Variants in OR51B5 observed in about 807,000 individuals in gnomAD.
OR51B5 encodes the protein olfactory receptor family 51 subfamily B member 5.
For missense variants in OR51B5, 456 were observed against 374.6 expected (o/e 1.22, Z -1.79); for synonymous variants, 186 against 144.8 (o/e 1.28, Z -2.04).
chr11:5,370,509 TCTCA>T (rs1006464440), intron 1 of OR51B5, among the ~76,000 whole-genome samples: 74 of 152,306 alleles, frequency 4.9e-4, no homozygotes, highest in African/African-American at 1.7e-3. Context: ...CTATTCTTTA[TCTCA>T]CTCTCTTTCT....
rs186457005 is a variant in OR51B5 at position 5,492,096 on chromosome 11, C to G, written n.84+13473G>C. Among the ~76,000 whole-genome samples, 10 of 152,232 alleles carry G rather than the reference C, an allele frequency of 6.6e-5. No homozygotes were observed. In the East Asian group the frequency reaches 1.4e-3, roughly 21 times the overall value. ...GTTTCAATTTGTGCTGAGGGAGACTCTCTTAATTCAATTTTAAGTAATTCA... is the reference window on the plus strand; with the variant it reads ...GTTTCAATTTGTGCTGAGGGAGACTGTCTTAATTCAATTTTAAGTAATTCA... On this transcript the variant is annotated intron_variant and non_coding_transcript_variant, in intron 1 of 4. Transcript: ENST00000415970.
intron 1 of OR51B5, chr11:5,391,063 C>T (rs1849787436): frequency 6.6e-6 from 1 of 152,230 alleles, no homozygotes; most frequent in Non-Finnish European, 1.5e-5. Context: ...AAGCTACAGT[C>T]AGTATTTACT....
chr11:5,489,727 G>C, intron 1 of OR51B5: 1 of 1,070,890 alleles, frequency 9.3e-7, no homozygotes. Context: ...ACATTTACAT[G>C]GACACACAGT....
chr11:5,454,554 GCA>G, intron 1 of OR51B5: 1 of 730,982 alleles, frequency 1.4e-6, no homozygotes, highest in Non-Finnish European at 2.2e-6. Flanking sequence ...AGATGGTGAT[GCA>G]AAACTTATAA....
chr11:5,475,023 T>C (rs980549101), intron 1 of OR51B5, among the ~76,000 whole-genome samples: 8 of 152,164 alleles, frequency 5.3e-5, no homozygotes, highest in African/African-American at 1.9e-4. Flanking sequence ...GGTGTTTGAC[T>C]TATGAACTCT....
At chr11:5,407,360 C>T (rs1246095958) in intron 1 of OR51B5, among the ~76,000 whole-genome samples, 1 of 152,184 alleles carries the variant, frequency 6.6e-6, no homozygotes, top group East Asian at 1.9e-4. Context: ...GTATCATCCC[C>T]TCTTCCTGAG....
At chr11:5,380,319 T>A (rs2133717371) in intron 1 of OR51B5, among the ~76,000 whole-genome samples, 1 of 152,242 alleles carries the variant, frequency 6.6e-6, no homozygotes, top group Non-Finnish European at 1.5e-5. Flanking sequence ...AATTGCAACA[T>A]GAAAATTTCT....
chr11:5,398,976 A>G (rs1164361087), intron 1 of OR51B5, among the ~76,000 whole-genome samples: 1 of 152,196 alleles, frequency 6.6e-6, no homozygotes, highest in Non-Finnish European at 1.5e-5. Context: ...AGCAGCATTC[A>G]GGACTCCCAA....
intron 1 of OR51B5, among the ~76,000 whole-genome samples, chr11:5,421,431 T>C (rs1850335479): frequency 1.3e-5 from 2 of 152,258 alleles, no homozygotes; most frequent in African/African-American, 2.4e-5. Flanking sequence ...TAAGAATTAA[T>C]ACGAGTTATC....
At chr11:5,455,522 G>A (rs1264914514) in intron 1 of OR51B5, 2 of 140,592 alleles carry the variant, frequency 1.4e-5, no homozygotes, top group African/African-American at 2.6e-5. Flanking sequence ...AGATCTACTT[G>A]TAGATCAAAA....
intron 1 of OR51B5, chr11:5,469,409 C>T (rs769749655): frequency 1.3e-5 from 2 of 152,226 alleles, no homozygotes; most frequent in Non-Finnish European, 2.9e-5. Context: ...GATGTTAGTC[C>T]CAAAGCCCCC....
At chr11:5,428,223 G>A (rs1850478612) in intron 1 of OR51B5, among the ~76,000 whole-genome samples, 1 of 151,994 alleles carries the variant, frequency 6.6e-6, no homozygotes, top group African/African-American at 2.4e-5. Flanking sequence ...GGCGTACCTT[G>A]GAGATAATAT....
intron 1 of OR51B5, among the ~76,000 whole-genome samples, chr11:5,353,938 G>T (rs1469818843): frequency 7.4e-6 from 1 of 136,012 alleles, no homozygotes; most frequent in African/African-American, 2.7e-5. Flanking sequence ...TAGACCAAAA[G>T]ATTTTGTTTG....
At chr11:5,439,489 A>C (rs1850642614) in intron 1 of OR51B5, among the ~76,000 whole-genome samples, 1 of 152,204 alleles carries the variant, frequency 6.6e-6, no homozygotes, top group South Asian at 2.1e-4. Flanking sequence ...CCGTTTGTCT[A>C]AACAGTTATC....
At chr11:5,366,802 A>G (rs1007369211) in intron 1 of OR51B5, among the ~76,000 whole-genome samples, 1 of 152,296 alleles carries the variant, frequency 6.6e-6, no homozygotes, top group East Asian at 1.9e-4. Flanking sequence ...ATTTGGGAAA[A>G]TAAGTTTGTA....
chr11:5,399,983 C>A (rs1010776310), intron 1 of OR51B5, among the ~76,000 whole-genome samples: 2 of 152,080 alleles, frequency 1.3e-5, no homozygotes, highest in African/African-American at 4.8e-5. Context: ...CTGCTCAATC[C>A]AGAGGCAGAT....
upstream of OR51B5, among the ~76,000 whole-genome samples, chr11:5,347,165 C>A (rs1849005801): frequency 6.6e-6 from 1 of 152,162 alleles, no homozygotes; most frequent in East Asian, 1.9e-4. Flanking sequence ...ATAGCCCCAG[C>A]AGACTCTGGT....
intron 1 of OR51B5, among the ~76,000 whole-genome samples, chr11:5,438,481 T>C (rs1028643902): frequency 6.6e-6 from 1 of 152,172 alleles, no homozygotes; most frequent in Non-Finnish European, 1.5e-5. Context: ...AGTTTTTTCA[T>C]TCATTTAAAT....
intron 1 of OR51B5, among the ~76,000 whole-genome samples, chr11:5,485,391 A>C (rs1851484656): frequency 6.6e-6 from 1 of 152,190 alleles, no homozygotes. Flanking sequence ...AAATGTGTTA[A>C]TTGTTTCTCC....
Sources: allele counts gnomAD v4.1 joint callset (sites outside exome capture counted in the v4.1 genomes callset), GRCh38; gene constraint gnomAD v4.1.1; transcripts MANE v1.5; gene names NCBI Gene and HGNC (gene_info 2026-07-23, HGNC 2026-07-21).